Variants in PLXDC2 observed in about 807,000 individuals in gnomAD.
The protein encoded by PLXDC2 is plexin domain containing 2.
A neutral mutation model predicts 68.9 loss-of-function variants in PLXDC2; 40 were observed. The ratio of observed to expected loss-of-function variants is 0.58; its 90% CI spans 0.45 to 0.76. PLXDC2 has a LOEUF of 0.76. PLXDC2 is among the 30% of genes least tolerant of loss of function. The probability of loss-of-function intolerance (pLI) is 0.00; values close to 1 mark genes in which losing one functional copy is unlikely to be tolerated. For synonymous variants in PLXDC2, 243 were observed against 234.2 expected, an observed-to-expected ratio of 1.04 and a Z score of -0.34; for missense variants, 644 against 661.9, an observed-to-expected ratio of 0.97 and a Z score of 0.30.
chr10:20,165,369 C>T (rs954829370), intron 7 of PLXDC2, among the ~76,000 whole-genome samples: 4 of 152,028 alleles, frequency 2.6e-5, no homozygotes, highest in African/African-American at 9.7e-5. Flanking sequence ...CGCTGGTGCG[C>T]TACACCCACT....
rs117511314 is a variant in PLXDC2, at chr10:19,839,477, A to T, written c.112+22286A>T. Reference sequence around the variant, plus strand: ...AAGCCAAAAGATTGGACACCACTGAACTAGACTCAGCTCACAGGGGCCTTA... The same window carrying T: ...AAGCCAAAAGATTGGACACCACTGATCTAGACTCAGCTCACAGGGGCCTTA... On this transcript the variant is annotated intron_variant, in intron 1 of 13. Coordinates refer to ENST00000377252, the MANE Select transcript of PLXDC2 (RefSeq NM_032812.9). Among the ~76,000 whole-genome samples, 432 of 152,296 alleles carry T rather than the reference A, an allele frequency of 2.8e-3. 9 individuals are homozygous for T. In the East Asian group the frequency reaches 0.053, roughly 19 times the overall value.
intron 1 of PLXDC2, among the ~76,000 whole-genome samples, chr10:19,919,080 A>C (rs771092706): frequency 1.1e-4 from 17 of 152,186 alleles, no homozygotes; most frequent in Non-Finnish European, 1.9e-4. Flanking sequence ...ACAATTGTAA[A>C]TATAGGGTAT....
rs1554769219 is a variant in PLXDC2, at chr10:20,140,402, A to AT, written c.542-2893_542-2892insT. Among the ~76,000 whole-genome samples the AT allele has an allele frequency of 9.9e-3, 654 of 66,066 alleles. 12 individuals are homozygous for AT. The highest frequency in any genetic ancestry group is 0.033 in the African/African-American group (607 of 18,390). The allele number at this position is 66,066 out of a possible 152,430, so 43.3% of individuals were successfully genotyped here. A position where few individuals can be genotyped will look rare whatever the true frequency, so the allele number is the denominator to read the frequency against. The stretch of plus-strand genomic sequence containing the variant: ...AGAAAAATAACATATATATATATAT[A>AT]AAATATCTATCTATCTATCTATCTA... On this transcript the variant is annotated intron_variant, in intron 4 of 13. Transcript: ENST00000377252.
intron 4 of PLXDC2, among the ~76,000 whole-genome samples, chr10:20,134,055 G>T (rs1833902662): frequency 6.6e-6 from 1 of 151,852 alleles, no homozygotes; most frequent in Admixed American, 6.5e-5. Context: ...TTTCTGTTTG[G>T]TTCTTTTTTT....
At chr10:20,208,991 G>A (rs1835031034) in intron 9 of PLXDC2, among the ~76,000 whole-genome samples, 1 of 152,094 alleles carries the variant, frequency 6.6e-6, no homozygotes, top group Non-Finnish European at 1.5e-5. Context: ...GCTTCAGAAG[G>A]TAATAGAATA....
intron 12 of PLXDC2, among the ~76,000 whole-genome samples, chr10:20,238,631 T>G (rs1276824579): frequency 1.9e-5 from 1 of 51,420 alleles, no homozygotes; most frequent in Non-Finnish European, 5.4e-5. Context: ...TGGGTGAGAG[T>G]GAGAACAGAG....
chr10:20,256,276 G>A (rs1452798133), intron 13 of PLXDC2, among the ~76,000 whole-genome samples: 1 of 151,682 alleles, frequency 6.6e-6, no homozygotes, highest in East Asian at 1.9e-4. Flanking sequence ...GGGATTACAG[G>A]CGCCCACCAT....
intron 1 of PLXDC2, among the ~76,000 whole-genome samples, chr10:19,955,249 G>A (rs1834051296): frequency 6.7e-6 from 1 of 149,640 alleles, no homozygotes; most frequent in Admixed American, 6.7e-5. Context: ...TCCCAAGCTG[G>A]CCTCAAACTC....
At chr10:20,183,001 A>C (rs1174503059) in intron 9 of PLXDC2, among the ~76,000 whole-genome samples, 1 of 151,998 alleles carries the variant, frequency 6.6e-6, no homozygotes, top group East Asian at 1.9e-4. Context: ...AGTAGATGGG[A>C]AAAAGAAGAA....
At chr10:20,127,454 C>T (rs749411791) in intron 4 of PLXDC2, among the ~76,000 whole-genome samples, 47 of 152,124 alleles carry the variant, frequency 3.1e-4, no homozygotes, top group South Asian at 2.1e-4. Flanking sequence ...GGATTTTGGG[C>T]AAGGATCTGA....
chr10:19,823,705 G>T (rs1224569674), intron 1 of PLXDC2, among the ~76,000 whole-genome samples: 1 of 152,040 alleles, frequency 6.6e-6, no homozygotes, highest in African/African-American at 2.4e-5. Flanking sequence ...CTTGTTTTGA[G>T]GTGAGGTTCA....
chr10:19,951,498 AC>A (rs1833992015), intron 1 of PLXDC2, among the ~76,000 whole-genome samples: 2 of 152,316 alleles, frequency 1.3e-5, no homozygotes, highest in South Asian at 4.1e-4. Context: ...AGTCAAAAAA[AC>A]AACAGGTCGT....
chr10:19,951,318 T>C (rs1318207305), intron 1 of PLXDC2, among the ~76,000 whole-genome samples: 1 of 151,980 alleles, frequency 6.6e-6, no homozygotes, highest in African/African-American at 2.4e-5. Context: ...CATTAAAAAG[T>C]AGGCAAAAGG....
chr10:19,909,554 T>C (rs1005277124), intron 1 of PLXDC2, among the ~76,000 whole-genome samples: 1 of 152,198 alleles, frequency 6.6e-6, no homozygotes, highest in Non-Finnish European at 1.5e-5. Flanking sequence ...ACCAATCTAT[T>C]TGCTCTTATT....
intron 2 of PLXDC2, among the ~76,000 whole-genome samples, chr10:20,026,904 C>T (rs1010010323): frequency 3.2e-5 from 4 of 124,132 alleles, no homozygotes; most frequent in Admixed American, 1.8e-4. Context: ...ATAGAATACA[C>T]TTTTATAATA....
intron 4 of PLXDC2, among the ~76,000 whole-genome samples, chr10:20,119,941 G>C (rs931122408): frequency 6.6e-6 from 1 of 152,186 alleles, no homozygotes; most frequent in African/African-American, 2.4e-5. Flanking sequence ...GGACGACTCA[G>C]GACATCTGAT....
intron 12 of PLXDC2, among the ~76,000 whole-genome samples, chr10:20,238,206 C>G (rs2681940): frequency 6.7e-6 from 1 of 149,580 alleles, no homozygotes; most frequent in African/African-American, 2.4e-5. Flanking sequence ...TTCTTCCTTC[C>G]TTCCTCCTAT....
intron 1 of PLXDC2, among the ~76,000 whole-genome samples, chr10:19,953,175 ATAT>A (rs1219701591): frequency 1.3e-5 from 2 of 152,188 alleles, no homozygotes; most frequent in African/African-American, 4.8e-5. Context: ...CAAATTTCTG[ATAT>A]TATAGCCATC....
intron 13 of PLXDC2, among the ~76,000 whole-genome samples, chr10:20,253,677 G>A (rs1472273352): frequency 6.6e-6 from 1 of 152,114 alleles, no homozygotes; most frequent in Admixed American, 6.6e-5. Flanking sequence ...TCCAAAATAA[G>A]TAGATGAATT....
Sources: gnomAD v4.1 joint callset for allele counts (sites outside exome capture counted in the v4.1 genomes callset) on GRCh38, gnomAD v4.1.1 for gene constraint, MANE v1.5 for transcripts, NCBI Gene and HGNC (gene_info 2026-07-23, HGNC 2026-07-21) for gene names.